Variants in SPATA13 observed in about 807,000 individuals in gnomAD.
SPATA13 encodes the protein spermatogenesis-associated protein 13.
In SPATA13, 50 loss-of-function variants were observed where a neutral mutation model predicts 104.0. That is an observed-to-expected ratio of 0.48 (90% CI 0.38 to 0.61). SPATA13 has a LOEUF of 0.61. SPATA13 is among the 20% of genes least tolerant of loss of function. The pLI, the probability that SPATA13 is intolerant of heterozygous loss-of-function variation, is 0.00. For missense variants in SPATA13, 1,524 were observed against 1,690.6 expected, an observed-to-expected ratio of 0.90 and a Z score of 1.73; for synonymous variants, 606 against 667.5, an observed-to-expected ratio of 0.91 and a Z score of 1.42.
At chr13:24,076,453 G>A (rs1879329499) in intron 3 of SPATA13, among the ~76,000 whole-genome samples, 1 of 152,144 alleles carries the variant, frequency 6.6e-6, no homozygotes, top group Non-Finnish European at 1.5e-5. Flanking sequence ...ATGGCCAAGT[G>A]CCTGGATTTG....
At chr13:24,190,781 A>T (rs1869686587) in intron 1 of SPATA13, among the ~76,000 whole-genome samples, 1 of 152,220 alleles carries the variant, frequency 6.6e-6, no homozygotes, top group South Asian at 2.1e-4. Context: ...GGTTGAAATG[A>T]CAACAAAGGA....
At chr13:24,215,837 G>A (rs1208575316) in intron 1 of SPATA13, among the ~76,000 whole-genome samples, 1 of 152,134 alleles carries the variant, frequency 6.6e-6, no homozygotes, top group Non-Finnish European at 1.5e-5. Flanking sequence ...TCAGGATTAG[G>A]GCCATCCATC....
chr13:24,101,264 C>T (rs1284948842), intron 3 of SPATA13, among the ~76,000 whole-genome samples: 1 of 152,158 alleles, frequency 6.6e-6, no homozygotes, highest in Non-Finnish European at 1.5e-5. Flanking sequence ...TTCTTAAAGT[C>T]CGTATACCAT....
intron 12 of SPATA13, 125 bp from the exon 13 acceptor site, chr13:24,302,459 CAAAAAAAAAAAAAA>C (rs71070678): frequency 7.4e-3 from 1,420 of 193,086 alleles, no homozygotes; most frequent in East Asian, 0.013. Context: ...GACCCTGTCT[CAAAAAAAAAAAAAA>C]AAAAAAAAAA....
intron 1 of SPATA13, among the ~76,000 whole-genome samples, chr13:24,195,252 G>A (rs1869989459): frequency 6.6e-6 from 1 of 152,072 alleles, no homozygotes; most frequent in Non-Finnish European, 1.5e-5. Flanking sequence ...AATATTTTCA[G>A]TGTGCATTCA....
chr13:24,059,280 T>G (rs1878695606), intron 3 of SPATA13, among the ~76,000 whole-genome samples: 1 of 151,646 alleles, frequency 6.6e-6, no homozygotes, highest in Non-Finnish European at 1.5e-5. Flanking sequence ...CTGGCCTGTG[T>G]ACTGTTGTAA....
intron 10 of SPATA13, among the ~76,000 whole-genome samples, chr13:24,296,478 G>A (rs896918537): frequency 3.9e-5 from 6 of 152,132 alleles, no homozygotes; most frequent in African/African-American, 1.2e-4. Context: ...ACATTTAGGG[G>A]ATAATTTGTC....
chr13:24,302,682 C>G lies in SPATA13; in HGVS notation c.3743C>G (p.Pro1248Arg), dbSNP rs1291549491. The G allele has an allele frequency of 2.5e-6, 4 of 1,614,020 alleles. No homozygotes were observed. The African/African-American group carries it at 5.3e-5, about 22-fold the overall frequency. Residue 1248 changes from proline to arginine, a missense_variant, in exon 13 of 13, where the codon CCC becomes CGC. Coordinates refer to ENST00000382108, the MANE Select transcript of SPATA13 (RefSeq NM_001166271.3). Reference protein sequence around the residue: ...QRHITMPTSVPQQQVFGLAEP... With the variant: ...QRHITMPTSVRQQQVFGLAEP... ...CACATCACTATGCCCACAAGCGTCCCCCAGCAGCAGGTCTTTGGCCTGGCG... is the reference window on the plus strand; with the variant it reads ...CACATCACTATGCCCACAAGCGTCCGCCAGCAGCAGGTCTTTGGCCTGGCG...
Position 24,303,183 on chromosome 13 carries a change from C to T in SPATA13, c.*410C>T, listed in dbSNP as rs1877332379. 2 of 391,374 alleles carry T rather than the reference C, an allele frequency of 5.1e-6. No individual in the cohort carries two copies. Among genetic ancestry groups the T allele is most frequent in the Admixed American group, 6.1e-5 (2 of 32,884 alleles). The allele number at this position is 391,374 out of a possible 1,614,324, so 24.2% of individuals were successfully genotyped here. A position where few individuals can be genotyped will look rare whatever the true frequency, so the allele number is the denominator to read the frequency against. Reference sequence around the variant, plus strand: ...TGATGAGGTTAGAGGATCACTTCTGCATTTGATTTTCAAGGATGCCGTCAA... The same window carrying T: ...TGATGAGGTTAGAGGATCACTTCTGTATTTGATTTTCAAGGATGCCGTCAA... On this transcript the variant is annotated 3_prime_UTR_variant, in exon 13 of 13. Coordinates refer to ENST00000382108, the MANE Select transcript of SPATA13 (RefSeq NM_001166271.3).
intron 4 of SPATA13, chr13:24,271,033 T>TCTCA: frequency 8.7e-6 from 6 of 691,152 alleles, no homozygotes; most frequent in Non-Finnish European, 1.1e-5. Context: ...TCTCTCTCTC[T>TCTCA]CTCTCTCACT....
chr13:24,189,532 A>G (rs1276568260), intron 1 of SPATA13, among the ~76,000 whole-genome samples: 1 of 135,762 alleles, frequency 7.4e-6, no homozygotes, highest in African/African-American at 2.8e-5. Context: ...TATTGCATAC[A>G]TATTTATATT....
At chr13:24,263,774 G>A (rs1465849575) in intron 4 of SPATA13, among the ~76,000 whole-genome samples, 1 of 152,176 alleles carries the variant, frequency 6.6e-6, no homozygotes, top group Non-Finnish European at 1.5e-5. Context: ...CAGATACGGA[G>A]GACCAACTGT....
At chr13:24,036,949 T>C (rs1877706282) in intron 3 of SPATA13, among the ~76,000 whole-genome samples, 1 of 151,844 alleles carries the variant, frequency 6.6e-6, no homozygotes, top group Non-Finnish European at 1.5e-5. Context: ...CTAATTTTTG[T>C]ATTTTTAGTA....
At chr13:24,238,958 G>A (rs1051959593) in intron 2 of SPATA13, among the ~76,000 whole-genome samples, 2 of 152,286 alleles carry the variant, frequency 1.3e-5, no homozygotes, top group Admixed American at 1.3e-4. Flanking sequence ...GCTCCTGTGC[G>A]GGCAGTCCAT....
intron 3 of SPATA13, among the ~76,000 whole-genome samples, chr13:24,059,013 C>T (rs949120440): frequency 2.6e-5 from 4 of 151,562 alleles, no homozygotes; most frequent in African/African-American, 4.8e-5. Context: ...GCTCTGTCAC[C>T]CAGGCTGGAG....
chr13:24,226,175 C>T (rs955815830), intron 2 of SPATA13, among the ~76,000 whole-genome samples: 3 of 152,198 alleles, frequency 2.0e-5, no homozygotes, highest in Non-Finnish European at 4.4e-5. Flanking sequence ...GTTCTCACTC[C>T]AGGTCGCTGA....
chr13:24,272,033 C>T (rs575580998), intron 4 of SPATA13, among the ~76,000 whole-genome samples: 1 of 152,308 alleles, frequency 6.6e-6, no homozygotes, highest in African/African-American at 2.4e-5. Context: ...TGAGAGGGCT[C>T]GGTAATGCTA....
chr13:24,101,569 C>T (rs1287682905), intron 3 of SPATA13, among the ~76,000 whole-genome samples: 2 of 152,204 alleles, frequency 1.3e-5, no homozygotes, highest in African/African-American at 4.8e-5. Flanking sequence ...TGCACATTCT[C>T]ATGCAGAAGA....
At chr13:24,269,376 GTA>G (rs1874447990) in intron 4 of SPATA13, among the ~76,000 whole-genome samples, 6 of 151,710 alleles carry the variant, frequency 4.0e-5, no homozygotes, top group Non-Finnish European at 7.4e-5. Context: ...ATGTATGTGT[GTA>G]TGTATGTATG....
Sources: allele counts gnomAD v4.1 joint callset (sites outside exome capture counted in the v4.1 genomes callset), GRCh38; gene constraint gnomAD v4.1.1; transcripts MANE v1.5; gene names NCBI Gene and HGNC (gene_info 2026-07-23, HGNC 2026-07-21).